The following RGS6 variants were observed in gnomAD, a reference collection of about 807,000 sequenced individuals.
RGS6 encodes the protein regulator of G-protein signaling 6.
A neutral mutation model predicts 78.5 loss-of-function variants in RGS6; 30 were observed. The observed-to-expected ratio is 0.38, with a 90% CI of 0.29 to 0.52. The LOEUF is 0.52. Ranked by LOEUF, RGS6 falls within the 20% of genes least tolerant of loss-of-function variation. The pLI, the probability that RGS6 is intolerant of heterozygous loss-of-function variation, is 0.85. For missense variants in RGS6, 495 were observed against 609.7 expected, an observed-to-expected ratio of 0.81 and a Z score of 1.98; for synonymous variants, 206 against 206.0, an observed-to-expected ratio of 1.00 and a Z score of 0.00.
chr14:71,999,806 T>C (rs1214393993), intron 2 of RGS6, among the ~76,000 whole-genome samples: 1 of 152,058 alleles, frequency 6.6e-6, no homozygotes, highest in East Asian at 1.9e-4. Flanking sequence ...CCCCAGCAGC[T>C]GAGCAGATGC....
intron 3 of RGS6, among the ~76,000 whole-genome samples, chr14:72,417,302 C>A (rs1025754023): frequency 2.0e-5 from 3 of 152,220 alleles, no homozygotes; most frequent in African/African-American, 4.8e-5. Context: ...ACTGCCCCCC[C>A]ACCAAGTCAG....
Position 72,383,185 on chromosome 14 carries a change from T to TATATATA in RGS6, c.184+30992_184+30998dup, listed in dbSNP as rs2086711093. On this transcript the variant is annotated intron_variant, in intron 3 of 17. Transcript: ENST00000553525. Reference sequence around the variant, plus strand: ...GCCATGAAAAAATTGTACATATATATATATATATATATATATATATATATA... The same window carrying TATATATA: ...GCCATGAAAAAATTGTACATATATATATATATAATATATATATATATATATATATATA... Among the ~76,000 whole-genome samples the TATATATA allele has an allele frequency of 2.4e-5, 2 of 83,776 alleles. 1 individual carries two copies. The highest frequency in any genetic ancestry group is 1.6e-3 in the East Asian group (2 of 1,226). 55.0% of individuals were successfully genotyped at this position (83,776 alleles called of 152,430 possible).
chr14:72,417,625 C>T (rs185599536), intron 3 of RGS6, among the ~76,000 whole-genome samples: 4 of 152,342 alleles, frequency 2.6e-5, no homozygotes, highest in East Asian at 3.9e-4. Context: ...CTCTGGGTTC[C>T]GCACTCATTA....
chr14:72,551,018 T>C (rs1009880241), intron 17 of RGS6, among the ~76,000 whole-genome samples: 4 of 152,144 alleles, frequency 2.6e-5, no homozygotes, highest in Non-Finnish European at 5.9e-5. Flanking sequence ...TTTTGTACTC[T>C]TAGTAGAGAC....
chr14:71,976,741 T>C (rs1352477110), intron 2 of RGS6, among the ~76,000 whole-genome samples: 1 of 152,076 alleles, frequency 6.6e-6, no homozygotes, highest in Non-Finnish European at 1.5e-5. Context: ...TGTGTCTTTA[T>C]AGCAGCATGA....
chr14:72,412,462 T>A (rs2093490095), intron 3 of RGS6, among the ~76,000 whole-genome samples: 1 of 152,202 alleles, frequency 6.6e-6, no homozygotes, highest in Non-Finnish European at 1.5e-5. Context: ...TCTCTTTTCT[T>A]CTTTATTAGT....
chr14:72,107,657 T>G (rs1259604696), intron 2 of RGS6, among the ~76,000 whole-genome samples: 2 of 152,182 alleles, frequency 1.3e-5, no homozygotes, highest in Admixed American at 6.6e-5. Flanking sequence ...TTATATGTAT[T>G]TAAATATATT....
intron 14 of RGS6, chr14:72,514,046 C>T (rs2096910859): frequency 6.6e-6 from 1 of 152,232 alleles, no homozygotes; most frequent in Non-Finnish European, 1.5e-5. Context: ...TTACCAAACC[C>T]ATGATTAATA....
intron 2 of RGS6, among the ~76,000 whole-genome samples, chr14:72,118,428 C>A (rs972640029): frequency 4.6e-5 from 7 of 152,290 alleles, no homozygotes; most frequent in African/African-American, 1.7e-4. Flanking sequence ...TTGAATTACA[C>A]AAGCATGACC....
At chr14:72,370,263 G>A (rs548705285) in intron 3 of RGS6, among the ~76,000 whole-genome samples, 38 of 152,226 alleles carry the variant, frequency 2.5e-4, no homozygotes, top group African/African-American at 9.2e-4. Context: ...GTGGCCTTGG[G>A]TGCTGTTTTT....
chr14:72,570,377 C>T (rs1008301847), downstream of RGS6, among the ~76,000 whole-genome samples: 5 of 151,920 alleles, frequency 3.3e-5, no homozygotes, highest in African/African-American at 1.2e-4. Context: ...TATTGAGGGA[C>T]AACTGTACTA....
chr14:71,950,479 A>AT (rs1283081059), intron 1 of RGS6, among the ~76,000 whole-genome samples: 1 of 152,194 alleles, frequency 6.6e-6, no homozygotes, highest in Non-Finnish European at 1.5e-5. Context: ...CTAGAAGAAA[A>AT]TCTAGGCAAT....
At chr14:71,877,087 T>G in the RGS6 span, among the ~76,000 whole-genome samples, 2 of 152,216 alleles carry the variant, frequency 1.3e-5, no homozygotes, top group African/African-American at 4.8e-5. Context: ...ACCCAACCTT[T>G]GTCTCTGGCT....
chr14:72,383,213 T>TATACAC lies in RGS6; in HGVS notation c.184+31020_184+31021insTACACA, dbSNP rs1387301746. 9.1e-3 allele frequency among the ~76,000 whole-genome samples: 1,075 copies of TATACAC among 118,274 alleles called. 36 individuals are homozygous for TATACAC. The highest frequency in any genetic ancestry group is 0.031 in the African/African-American group (999 of 31,854). 77.6% of individuals were successfully genotyped at this position (118,274 alleles called of 152,430 possible). A position where few individuals can be genotyped will look rare whatever the true frequency, so the allele number is the denominator to read the frequency against. Reference sequence around the variant, plus strand: ...ATATATATATATATATATATATATATACACACAAACACACTAGTATGTGTG... The same window carrying TATACAC: ...ATATATATATATATATATATATATATATACACACACACAAACACACTAGTATGTGTG... On this transcript the variant is annotated intron_variant, in intron 3 of 17. Transcript: ENST00000553525.
intron 3 of RGS6, among the ~76,000 whole-genome samples, chr14:72,429,498 A>G (rs2094545610): frequency 6.6e-6 from 1 of 152,198 alleles, no homozygotes; most frequent in Non-Finnish European, 1.5e-5. Context: ...AGGAGAGTAG[A>G]GGAGAGGTTG....
At chr14:71,951,761 T>C (rs12433721) in intron 1 of RGS6, among the ~76,000 whole-genome samples, 19,654 of 152,226 alleles carry the variant, frequency 0.13, 1,565 homozygotes, top group East Asian at 0.2. Context: ...TATTTAGATC[T>C]GTCTCTCACG....
At chr14:71,888,246 A>C in the RGS6 span, among the ~76,000 whole-genome samples, 1 of 151,970 alleles carries the variant, frequency 6.6e-6, no homozygotes, top group African/African-American at 2.4e-5. Context: ...CCATCTCAAA[A>C]ATAAAACAAA....
intron 3 of RGS6, among the ~76,000 whole-genome samples, chr14:72,426,406 C>T (rs1029718116): frequency 1.3e-5 from 2 of 152,170 alleles, no homozygotes; most frequent in Admixed American, 6.5e-5. Flanking sequence ...ACCATTAGGC[C>T]GTTGTTGGCC....
At chr14:72,407,703 C>A (rs2093050154) in intron 3 of RGS6, among the ~76,000 whole-genome samples, 1 of 152,240 alleles carries the variant, frequency 6.6e-6, no homozygotes, top group South Asian at 2.1e-4. Flanking sequence ...ATGACAGAAC[C>A]TCTCTAGTGC....
Sources: allele counts gnomAD v4.1 joint callset (sites outside exome capture counted in the v4.1 genomes callset), GRCh38; gene constraint gnomAD v4.1.1; transcripts MANE v1.5; gene names NCBI Gene and HGNC (gene_info 2026-07-23, HGNC 2026-07-21).